FRMPD4: variants seen among roughly 807,000 people sequenced by gnomAD.
FRMPD4 encodes the protein FERM and PDZ domain-containing protein 4.
In FRMPD4, 22 loss-of-function variants were observed where a neutral mutation model predicts 94.1. The observed-to-expected ratio is 0.23, with a 90% CI of 0.17 to 0.33. The LOEUF (loss-of-function observed/expected upper bound fraction) is 0.33. FRMPD4 is among the 10% of genes least tolerant of loss of function. The probability of loss-of-function intolerance (pLI) is 1.00; values close to 1 mark genes in which losing one functional copy is unlikely to be tolerated. For synonymous variants in FRMPD4, 631 were observed against 548.6 expected (o/e 1.15, Z -2.10); for missense variants, 1,111 against 1,339.9 (o/e 0.83, Z 2.67).
chrX:12,411,774 C>T (rs1051838898), intron 1 of FRMPD4, among the ~76,000 whole-genome samples: 9 of 111,356 alleles, frequency 8.1e-5, no homozygotes, highest in African/African-American at 2.6e-4. Context: ...TGGCTTCCAT[C>T]GTCAGTGTCA....
intron 1 of FRMPD4, among the ~76,000 whole-genome samples, chrX:12,263,988 T>C (rs1186043024): frequency 9.0e-6 from 1 of 111,080 alleles, no homozygotes; most frequent in Non-Finnish European, 1.9e-5. Context: ...GGAGCATTAA[T>C]ACCTCCCATT....
At chrX:12,497,800 G>A (rs973506569) in intron 1 of FRMPD4, among the ~76,000 whole-genome samples, 2 of 111,199 alleles carry the variant, frequency 1.8e-5, no homozygotes, top group African/African-American at 6.6e-5. Context: ...TGGAAGGGCT[G>A]GGCTGGGGAG....
chrX:12,677,454 T>C (rs2059910651), intron 5 of FRMPD4, among the ~76,000 whole-genome samples: 1 of 100,748 alleles, frequency 9.9e-6, no homozygotes, highest in Non-Finnish European at 2.0e-5. Context: ...GTTTGGATTT[T>C]ACTACAAGCA....
intron 3 of FRMPD4, among the ~76,000 whole-genome samples, chrX:12,065,431 A>G (rs901167113): frequency 4.5e-5 from 5 of 112,150 alleles, no homozygotes; most frequent in Non-Finnish European, 9.4e-5. Context: ...TCAGATGCCT[A>G]TTTCAGAACC....
At chrX:12,667,310 A>G (rs2059789712) in intron 4 of FRMPD4, among the ~76,000 whole-genome samples, 1 of 112,018 alleles carries the variant, frequency 8.9e-6, no homozygotes, top group South Asian at 3.7e-4. Context: ...CTGACATGAA[A>G]TATCTTCCTA....
In FRMPD4 at chrX:12,720,793, C is replaced by T; in HGVS notation, c.4224C>T (p.Leu1408=). 1.0e-6 allele frequency: 1 copy of T among 995,640 alleles called. No homozygotes were observed. Among genetic ancestry groups the T allele is most frequent in the Non-Finnish European group, 1.3e-6 (1 of 789,278 alleles). The allele number at this position is 995,640 out of a possible 1,213,427, so 82.1% of individuals were successfully genotyped here. A position where few individuals can be genotyped will look rare whatever the true frequency, so the allele number is the denominator to read the frequency against. The stretch of plus-strand genomic sequence containing the variant: ...CTCTGAGACATAGCAGCAGTATCCT[C>T]TCCGGATCTGTCGATTTGGAGACCT... ...QKALRHSSSI[L]SGSVDLETFR... Residue 1408 remains leucine, a synonymous_variant, in exon 17 of 17, where the codon CTC becomes CTT. Coordinates refer to ENST00000675598, the MANE Select transcript of FRMPD4 (RefSeq NM_001368397.1).
At chrX:11,957,549 A>G (rs961114894) in intron 3 of FRMPD4, among the ~76,000 whole-genome samples, 1 of 112,006 alleles carries the variant, frequency 8.9e-6, no homozygotes, top group African/African-American at 3.2e-5. Flanking sequence ...ATAAAATAAA[A>G]TAAAAGTAGA....
At chrX:12,490,843 A>C (rs1232898683) in intron 1 of FRMPD4, among the ~76,000 whole-genome samples, 3 of 111,149 alleles carry the variant, frequency 2.7e-5, no homozygotes, top group African/African-American at 9.8e-5. Flanking sequence ...GATTTTTTTT[A>C]TTTTAATGTA....
At chrX:12,526,547 T>G (rs992412634) in intron 2 of FRMPD4, among the ~76,000 whole-genome samples, 20 of 112,073 alleles carry the variant, frequency 1.8e-4, no homozygotes, top group Admixed American at 1.6e-3. Flanking sequence ...AATCCTATTG[T>G]CAGTTTCACT....
At position 12,124,505 on chromosome X, in the gene FRMPD4, A is replaced by C. The variant is rs1275109458; in HGVS notation, c.95+246487A>C. ...ATATGAAAATAAGCTATAAAATTAAAAGTAATTAATGTGTAATTAAATGTT... is the reference window on the plus strand; with the variant it reads ...ATATGAAAATAAGCTATAAAATTAACAGTAATTAATGTGTAATTAAATGTT... On this transcript the variant is annotated intron_variant, in intron 3 of 18. Coordinates refer to the FRMPD4 transcript ENST00000640291. Among the ~76,000 whole-genome samples the C allele has an allele frequency of 7.1e-5, 8 of 112,009 alleles. No individual in the cohort carries two copies. In the East Asian group the frequency reaches 2.2e-3, roughly 31 times the overall value.
chrX:12,653,980 TG>T (rs1413954508), intron 4 of FRMPD4, among the ~76,000 whole-genome samples: 1 of 112,024 alleles, frequency 8.9e-6, no homozygotes, highest in Non-Finnish European at 1.9e-5. Flanking sequence ...TTGGTCAGGC[TG>T]GTCTCAAACT....
intron 1 of FRMPD4, among the ~76,000 whole-genome samples, chrX:12,349,661 T>C (rs750851332): frequency 5.4e-5 from 6 of 111,890 alleles, no homozygotes; most frequent in Admixed American, 1.9e-4. Flanking sequence ...ATGAGTATTA[T>C]GTCCGGTTCA....
At chrX:12,208,821 A>G (rs1190116362) in intron 1 of FRMPD4, among the ~76,000 whole-genome samples, 1 of 111,762 alleles carries the variant, frequency 8.9e-6, no homozygotes, top group Non-Finnish European at 1.9e-5. Flanking sequence ...TTTACTGTCT[A>G]TATCTAAAGC....
intron 4 of FRMPD4, among the ~76,000 whole-genome samples, chrX:12,640,317 A>AAAAAG (rs1569381116): frequency 9.6e-6 from 1 of 104,317 alleles, no homozygotes; most frequent in African/African-American, 3.7e-5. Flanking sequence ...AAAAAAAAAA[A>AAAAAG]AAAAAGGTAG....
chrX:12,023,201 CTCA>C (rs2054640965), intron 3 of FRMPD4, among the ~76,000 whole-genome samples: 1 of 111,572 alleles, frequency 9.0e-6, no homozygotes, highest in Non-Finnish European at 1.9e-5. Context: ...AAAGAAGACA[CTCA>C]CCAGACTCCC....
intron 3 of FRMPD4, among the ~76,000 whole-genome samples, chrX:11,967,593 G>C (rs1453514501): frequency 1.8e-5 from 2 of 111,204 alleles, no homozygotes; most frequent in Non-Finnish European, 3.8e-5. Flanking sequence ...TTTACAATGA[G>C]CACCTGCTCT....
chrX:11,861,937 G>C (rs1413362409), intron 1 of FRMPD4, among the ~76,000 whole-genome samples: 1 of 111,554 alleles, frequency 9.0e-6, no homozygotes, highest in Non-Finnish European at 1.9e-5. Context: ...TTGGCTTCTG[G>C]GGAGGCCTCA....
chrX:12,317,784 G>T (rs1601813228), intron 1 of FRMPD4, among the ~76,000 whole-genome samples: 3 of 111,399 alleles, frequency 2.7e-5, no homozygotes. Flanking sequence ...AGTTAGAATG[G>T]CTATTATCAA....
At chrX:12,572,368 G>A (rs141139471) in intron 2 of FRMPD4, among the ~76,000 whole-genome samples, 1,937 of 111,999 alleles carry the variant, frequency 0.017, 35 homozygotes, top group African/African-American at 0.06. Context: ...ATCATGTTAG[G>A]GTTCTAAAAA....
Sources: allele counts gnomAD v4.1 joint callset (sites outside exome capture counted in the v4.1 genomes callset), GRCh38; gene constraint gnomAD v4.1.1; transcripts MANE v1.5; gene names NCBI Gene and HGNC (gene_info 2026-07-23, HGNC 2026-07-21).